The following RASEF variants were observed in gnomAD, a reference collection of about 807,000 sequenced individuals.
RASEF encodes the protein ras and EF-hand domain-containing protein.
In RASEF, 68 loss-of-function variants were observed where a neutral mutation model predicts 90.1. That is an observed-to-expected ratio of 0.75 (90% CI 0.62 to 0.92). RASEF has a LOEUF of 0.92. Among genes scored for constraint, RASEF ranks in the 40% least tolerant of loss-of-function variants. RASEF has a pLI of 0.00. For missense variants in RASEF, 949 were observed against 937.2 expected (o/e 1.01, Z -0.16); for synonymous variants, 331 against 345.2 (o/e 0.96, Z 0.46).
At chr9:82,989,326 G>A (rs1828771534) in intron 16 of RASEF, among the ~76,000 whole-genome samples, 1 of 151,968 alleles carries the variant, frequency 6.6e-6, no homozygotes, top group African/African-American at 2.4e-5. Context: ...TGATCCTCCA[G>A]CCTTGCCTCT....
intron 2 of RASEF, 38 bp downstream of exon 2, chr9:83,025,737 G>T (rs1262776986): frequency 6.2e-7 from 1 of 1,600,146 alleles, no homozygotes; most frequent in South Asian, 1.1e-5. Context: ...GCAAGTTAAA[G>T]CACCCACAGG....
At chr9:83,217,300 T>C in the RASEF span, among the ~76,000 whole-genome samples, 1 of 152,134 alleles carries the variant, frequency 6.6e-6, no homozygotes, top group African/African-American at 2.4e-5. Context: ...ACTGTGGACT[T>C]TTGAGTTAAT....
At chr9:83,130,864 C>T in the RASEF span, among the ~76,000 whole-genome samples, 3 of 152,226 alleles carry the variant, frequency 2.0e-5, no homozygotes, top group Non-Finnish European at 4.4e-5. Context: ...TCCTCCAAAG[C>T]TGGCAGGACA....
chr9:83,074,864 T>G, the RASEF span, among the ~76,000 whole-genome samples: 1 of 152,210 alleles, frequency 6.6e-6, no homozygotes, highest in Admixed American at 6.5e-5. Flanking sequence ...AAACCAGTCT[T>G]TTACCTCCGG....
intron 16 of RASEF, among the ~76,000 whole-genome samples, chr9:82,987,083 T>C (rs1828722973): frequency 6.6e-6 from 1 of 152,188 alleles, no homozygotes; most frequent in Admixed American, 6.5e-5. Flanking sequence ...CCCTATGAAA[T>C]CTAAATTGAG....
the RASEF span, among the ~76,000 whole-genome samples, chr9:83,149,552 G>A: frequency 6.6e-6 from 1 of 152,182 alleles, no homozygotes; most frequent in Admixed American, 6.5e-5. Context: ...TGAGGGAGGA[G>A]TGACCCAAGA....
chr9:83,196,106 T>C, the RASEF span, among the ~76,000 whole-genome samples: 2 of 151,600 alleles, frequency 1.3e-5, no homozygotes, highest in Non-Finnish European at 2.9e-5. Flanking sequence ...TTCACCAAGA[T>C]GGGAGAACTA....
the RASEF span, among the ~76,000 whole-genome samples, chr9:83,165,254 G>A: frequency 6.6e-6 from 1 of 151,842 alleles, no homozygotes; most frequent in Non-Finnish European, 1.5e-5. Context: ...TCATATTCTG[G>A]GCCATAGAAC....
intron 1 of RASEF, among the ~76,000 whole-genome samples, chr9:83,043,111 T>C (rs1006238874): frequency 2.6e-5 from 4 of 152,224 alleles, no homozygotes; most frequent in African/African-American, 4.8e-5. Context: ...CCCATGTCCA[T>C]ATGCTTACCA....
Position 83,033,557 on chromosome 9 carries a change from G to A in RASEF, c.432-7636C>T, listed in dbSNP as rs528072709. ...GGAGCCCGATGAGCACATCCTCAAG[G>A]ACCGAAAGCGCACTGAAGGGGGTCG... is the stretch of plus-strand genomic sequence containing the variant. On this transcript the variant is annotated intron_variant, in intron 1 of 16. Coordinates refer to ENST00000376447, the MANE Select transcript of RASEF (RefSeq NM_152573.4). 2.0e-4 allele frequency among the ~76,000 whole-genome samples: 31 copies of A among 152,286 alleles called. No homozygotes were observed. The South Asian group carries it at 5.8e-3, about 28-fold the overall frequency.
chr9:83,217,109 T>C, the RASEF span, among the ~76,000 whole-genome samples: 2 of 152,220 alleles, frequency 1.3e-5, no homozygotes, highest in East Asian at 2.0e-4. Context: ...GACTTCCCTA[T>C]TGGGTTTCAG....
the RASEF span, among the ~76,000 whole-genome samples, chr9:83,091,283 G>A: frequency 1.3e-5 from 2 of 152,206 alleles, no homozygotes; most frequent in Non-Finnish European, 2.9e-5. Context: ...GCCAGGTGCA[G>A]TGGCTCACCC....
chr9:83,019,819 A>T (rs1282054863), intron 3 of RASEF, among the ~76,000 whole-genome samples: 1 of 152,220 alleles, frequency 6.6e-6, no homozygotes, highest in Non-Finnish European at 1.5e-5. Flanking sequence ...CAGAGAAGAA[A>T]TAGCATATAT....
chr9:83,097,081 C>T, the RASEF span, among the ~76,000 whole-genome samples: 12 of 152,000 alleles, frequency 7.9e-5, no homozygotes, highest in Non-Finnish European at 1.3e-4. Flanking sequence ...TGAATAGTGC[C>T]GCAATAAACA....
At chr9:83,112,483 G>A in the RASEF span, among the ~76,000 whole-genome samples, 2 of 152,070 alleles carry the variant, frequency 1.3e-5, no homozygotes, top group Admixed American at 1.3e-4. Flanking sequence ...TTGGGAGTTC[G>A]AGACCAGCCT....
At chr9:83,074,872 C>T in the RASEF span, among the ~76,000 whole-genome samples, 5 of 152,250 alleles carry the variant, frequency 3.3e-5, no homozygotes, top group South Asian at 4.1e-4. Context: ...CTTTTACCTC[C>T]GGCACCTCTA....
Position 83,000,635 on chromosome 9 carries a change from AATGTATACATT to A in RASEF, c.1438-76_1438-66del, listed in dbSNP as rs1430711742. ...TCAGCAGTTAAAATACAAAGTCTAAAATGTATACATTATGGATTAAAAAGAAGAAAACTATG... is the reference window on the plus strand; with the variant it reads ...TCAGCAGTTAAAATACAAAGTCTAAAATGGATTAAAAAGAAGAAAACTATG... On this transcript the variant is annotated intron_variant, in intron 10 of 16. Coordinates refer to ENST00000376447, the MANE Select transcript of RASEF (RefSeq NM_152573.4). The A allele has an allele frequency of 4.9e-6, 7 of 1,422,100 alleles. No homozygotes were observed. The African/African-American group carries it at 1.0e-4, about 20-fold the overall frequency. 88.1% of individuals were successfully genotyped at this position (1,422,100 alleles called of 1,614,324 possible).
rs1384370266 is a variant in RASEF at position 83,062,790 on chromosome 9, C to T, written c.78G>A (p.Gly26=). 2 of 1,556,078 alleles carry T rather than the reference C, an allele frequency of 1.3e-6. No homozygotes were observed. Among genetic ancestry groups the T allele is most frequent in the East Asian group, 4.8e-5 (2 of 41,750 alleles). ...CCCGGAACTCCTCGCGCTCCAGGCG[C>T]CCCGAGCGGTTCGCGTCGCAGGCGG... ...VFAACDANRS[G]RLEREEFRAL... The change falls in exon 1 of 17, where the codon GGG becomes GGA. Residue 26 remains glycine, a synonymous_variant. Transcript: ENST00000376447.
At chr9:83,158,636 A>G in the RASEF span, among the ~76,000 whole-genome samples, 1 of 148,232 alleles carries the variant, frequency 6.7e-6, no homozygotes, top group Non-Finnish European at 1.5e-5. Flanking sequence ...ATATGTATAT[A>G]TGTATATATG....
Sources: gnomAD v4.1 joint callset for allele counts (sites outside exome capture counted in the v4.1 genomes callset) on GRCh38, gnomAD v4.1.1 for gene constraint, MANE v1.5 for transcripts, NCBI Gene and HGNC (gene_info 2026-07-23, HGNC 2026-07-21) for gene names.